ASXL2: variants seen among roughly 807,000 people sequenced by gnomAD.
ASXL2 encodes ASXL transcriptional regulator 2, also known as putative Polycomb group protein ASXL2.
In ASXL2, 23 loss-of-function variants were observed where a neutral mutation model predicts 122.0. The observed-to-expected ratio is 0.19, with a 90% confidence interval of 0.14 to 0.27. The LOEUF (loss-of-function observed/expected upper bound fraction) is 0.27. ASXL2 is among the 10% of genes least tolerant of loss of function. The pLI is 1.00. For missense variants in ASXL2, 1,518 were observed against 1,713.8 expected (o/e 0.89, Z 2.02); for synonymous variants, 650 against 637.0 (o/e 1.02, Z -0.31).
intron 4 of ASXL2, among the ~76,000 whole-genome samples, chr2:25,805,246 G>A (rs970281578): frequency 3.3e-5 from 5 of 152,120 alleles, no homozygotes; most frequent in Non-Finnish European, 7.3e-5. Context: ...GTGAATTGTG[G>A]TAGAGAATAA....
At chr2:25,751,183 C>T (rs903941009) in intron 11 of ASXL2, among the ~76,000 whole-genome samples, 4 of 152,164 alleles carry the variant, frequency 2.6e-5, no homozygotes, top group African/African-American at 9.7e-5. Context: ...ATCAATGAGC[C>T]TTCTTTGGTG....
intron 2 of ASXL2, among the ~76,000 whole-genome samples, chr2:25,843,607 A>G (rs557334416): frequency 6.6e-6 from 1 of 152,222 alleles, no homozygotes; most frequent in South Asian, 2.1e-4. Flanking sequence ...AAGAATTTAA[A>G]CTGCTTTAGA....
chr2:25,783,870 A>G (rs1208066276), intron 5 of ASXL2, among the ~76,000 whole-genome samples: 1 of 151,940 alleles, frequency 6.6e-6, no homozygotes, highest in African/African-American at 2.4e-5. Flanking sequence ...CCTGGCCAAC[A>G]TGGTGAAACC....
chr2:25,787,138 G>A (rs2088760919), intron 5 of ASXL2, among the ~76,000 whole-genome samples: 1 of 152,120 alleles, frequency 6.6e-6, no homozygotes, highest in Non-Finnish European at 1.5e-5. Context: ...TCCACCACAG[G>A]CCCCGAGTGC....
intron 4 of ASXL2, among the ~76,000 whole-genome samples, chr2:25,800,821 C>T (rs1348018023): frequency 6.6e-6 from 1 of 152,164 alleles, no homozygotes; most frequent in African/African-American, 2.4e-5. Context: ...ATGTAAAATG[C>T]TTAGAATCAC....
At chr2:25,790,829 G>A (rs186096026) in intron 5 of ASXL2, among the ~76,000 whole-genome samples, 77 of 139,704 alleles carry the variant, frequency 5.5e-4, no homozygotes, top group African/African-American at 2.0e-3. Context: ...TTTGAGACAG[G>A]GTCTCTCTCT....
intron 3 of ASXL2, among the ~76,000 whole-genome samples, chr2:25,835,043 C>G (rs534899766): frequency 5.3e-5 from 8 of 152,126 alleles, no homozygotes; most frequent in African/African-American, 1.9e-4. Context: ...AGGCTAGTCT[C>G]GAACTCCTGA....
At chr2:25,790,723 G>A (rs1574418187) in intron 5 of ASXL2, among the ~76,000 whole-genome samples, 1 of 150,722 alleles carries the variant, frequency 6.6e-6, no homozygotes, top group Admixed American at 6.6e-5. Flanking sequence ...AACAAAAGAC[G>A]CTAGTTTATT....
At chr2:25,773,081 T>C (rs1445587821) in intron 5 of ASXL2, among the ~76,000 whole-genome samples, 2 of 151,688 alleles carry the variant, frequency 1.3e-5, no homozygotes, top group African/African-American at 4.8e-5. Flanking sequence ...TGGTGGCACA[T>C]GCCTGTAATC....
intron 1 of ASXL2, among the ~76,000 whole-genome samples, chr2:25,861,234 A>G (rs1017993955): frequency 3.3e-5 from 5 of 152,174 alleles, no homozygotes; most frequent in African/African-American, 4.8e-5. Flanking sequence ...CAGGCTAAGT[A>G]AAAAAGAGAG....
At chr2:25,822,915 G>T in intron 3 of ASXL2, 6 of 536,050 alleles carry the variant, frequency 1.1e-5, no homozygotes, top group South Asian at 7.1e-5. Context: ...TGATTCACAA[G>T]ACAGCGATGA....
At chr2:25,808,097 G>A (rs950044645) in intron 3 of ASXL2, among the ~76,000 whole-genome samples, 10 of 150,776 alleles carry the variant, frequency 6.6e-5, no homozygotes, top group Non-Finnish European at 1.3e-4. Flanking sequence ...ATATGGGGGG[G>A]AAAAAAAACA....
chr2:25,861,292 C>T (rs1484508334), intron 1 of ASXL2, among the ~76,000 whole-genome samples: 1 of 152,100 alleles, frequency 6.6e-6, no homozygotes, highest in Non-Finnish European at 1.5e-5. Context: ...AGAAATATCA[C>T]TACAGTTCCC....
chr2:25,849,729 G>C (rs1179508038), intron 1 of ASXL2, among the ~76,000 whole-genome samples: 1 of 151,958 alleles, frequency 6.6e-6, no homozygotes, highest in African/African-American at 2.4e-5. Flanking sequence ...TTGTAGAGAT[G>C]GGGTTTTGCC....
intron 6 of ASXL2, 98 bp downstream of exon 6, chr2:25,771,342 A>T: frequency 9.5e-7 from 1 of 1,049,186 alleles, no homozygotes; most frequent in Non-Finnish European, 1.4e-6. Context: ...GCAAGGGCCC[A>T]ATGTAAAAAA....
chr2:25,844,817 C>T (rs13022069), intron 2 of ASXL2, among the ~76,000 whole-genome samples: 41,871 of 151,650 alleles, frequency 0.28, 6,075 homozygotes, highest in African/African-American at 0.32. Context: ...TACAATTTTT[C>T]GTAGAGATGA....
intron 3 of ASXL2, among the ~76,000 whole-genome samples, chr2:25,816,127 T>C (rs2089230755): frequency 6.6e-6 from 1 of 151,860 alleles, no homozygotes; most frequent in Admixed American, 6.6e-5. Context: ...CTCACACCTG[T>C]AATCCCAGCA....
intron 5 of ASXL2, among the ~76,000 whole-genome samples, chr2:25,791,523 T>A (rs556367243): frequency 6.6e-6 from 1 of 150,912 alleles, no homozygotes; most frequent in Non-Finnish European, 1.5e-5. Flanking sequence ...ACAACAAATA[T>A]CTTGTAAATA....
chr2:25,797,222 G>A (rs2149170101), intron 5 of ASXL2, among the ~76,000 whole-genome samples: 1 of 152,260 alleles, frequency 6.6e-6, no homozygotes, highest in East Asian at 1.9e-4. Context: ...CAAGGCGGGT[G>A]GATCACGAGG....
Sources: gnomAD v4.1 joint callset for allele counts (sites outside exome capture counted in the v4.1 genomes callset) on GRCh38, gnomAD v4.1.1 for gene constraint, MANE v1.5 for transcripts, NCBI Gene and HGNC (gene_info 2026-07-23, HGNC 2026-07-21) for gene names.